CTNND2: variants seen among roughly 807,000 people sequenced by gnomAD.
The protein encoded by CTNND2 is catenin delta-2.
In CTNND2, 22 loss-of-function variants were observed where a neutral mutation model predicts 144.4. The ratio of observed to expected loss-of-function variants is 0.15; its 90% CI spans 0.11 to 0.22. The LOEUF (loss-of-function observed/expected upper bound fraction) is 0.22. Among genes scored for constraint, CTNND2 ranks in the 10% least tolerant of loss-of-function variants. The pLI is 1.00. For synonymous variants in CTNND2, 751 were observed against 695.6 expected (o/e 1.08, Z -1.25); for missense variants, 1,353 against 1,618.8 (o/e 0.84, Z 2.82).
rs765533529 is a variant in CTNND2 at position 11,346,425 on chromosome 5, A to G, written c.1575T>C (p.Pro525=). ...PYSKSGPALP[P]EGTLARSPSI... is the part of the protein sequence containing the mutation. Reference sequence around the variant, plus strand: ...ACGGGGACCTGGCCAAGGTGCCTTCAGGCGGGAGAGCAGGGCCGGATTTGC... The same window carrying G: ...ACGGGGACCTGGCCAAGGTGCCTTCGGGCGGGAGAGCAGGGCCGGATTTGC... The change falls in exon 9 of 22, where the codon CCT becomes CCC. Residue 525 remains proline (P), a synonymous_variant. Transcript: ENST00000304623. The G allele has an allele frequency of 5.6e-5, 86 of 1,541,918 alleles. 1 individual carries two copies. Among genetic ancestry groups the G allele is most frequent in the Admixed American group, 1.2e-4 (6 of 50,950 alleles).
At chr5:11,408,127 T>A (rs1465009799) in intron 5 of CTNND2, among the ~76,000 whole-genome samples, 1 of 152,188 alleles carries the variant, frequency 6.6e-6, no homozygotes, top group Non-Finnish European at 1.5e-5. Flanking sequence ...TGTCTTCCAC[T>A]GCCTGAATAC....
At chr5:11,719,841 C>T (rs1452599299) in intron 2 of CTNND2, among the ~76,000 whole-genome samples, 1 of 94,552 alleles carries the variant, frequency 1.1e-5, no homozygotes, top group Admixed American at 9.0e-5. Context: ...TATACACACA[C>T]ACACACACAC....
At chr5:11,364,641 C>A (rs769069599) in intron 8 of CTNND2, 55 bp downstream of exon 8, 33 of 1,449,468 alleles carry the variant, frequency 2.3e-5, no homozygotes, top group Non-Finnish European at 2.9e-5. Context: ...TTGAAGCTCC[C>A]GCGCAGAGCC....
intron 2 of CTNND2, among the ~76,000 whole-genome samples, chr5:11,730,572 C>A (rs1178714523): frequency 2.0e-5 from 3 of 152,172 alleles, no homozygotes; most frequent in Non-Finnish European, 4.4e-5. Flanking sequence ...ACTTTCCTTG[C>A]ATTCTCATAT....
intron 19 of CTNND2, among the ~76,000 whole-genome samples, chr5:10,990,326 C>T (rs1463921546): frequency 1.3e-5 from 2 of 152,198 alleles, no homozygotes; most frequent in African/African-American, 4.8e-5. Context: ...GGTTCTGTTG[C>T]TTGGAGAGGG....
At chr5:11,886,941 G>A (rs1159600311) in intron 1 of CTNND2, among the ~76,000 whole-genome samples, 1 of 140,240 alleles carries the variant, frequency 7.1e-6, no homozygotes, top group Non-Finnish European at 1.5e-5. Context: ...TTGATTCCAA[G>A]CCACTATCAA....
intron 1 of CTNND2, among the ~76,000 whole-genome samples, chr5:11,781,280 A>C (rs1461189071): frequency 1.3e-5 from 2 of 152,312 alleles, no homozygotes; most frequent in East Asian, 3.9e-4. Context: ...AAAAAAAATA[A>C]AAAATAAAGC....
At chr5:11,139,425 G>C (rs1756482683) in intron 12 of CTNND2, among the ~76,000 whole-genome samples, 1 of 152,202 alleles carries the variant, frequency 6.6e-6, no homozygotes, top group Non-Finnish European at 1.5e-5. Flanking sequence ...ACCTAGAACG[G>C]GACCAGCTGA....
At chr5:11,528,327 T>C (rs1006493634) in intron 3 of CTNND2, among the ~76,000 whole-genome samples, 9 of 152,198 alleles carry the variant, frequency 5.9e-5, no homozygotes. Flanking sequence ...AATGGCTTTC[T>C]GGGTTTTCAT....
intron 1 of CTNND2, among the ~76,000 whole-genome samples, chr5:11,814,098 C>A (rs192698587): frequency 5.3e-5 from 8 of 152,198 alleles, no homozygotes; most frequent in Non-Finnish European, 7.4e-5. Context: ...ATTACATTTA[C>A]TTTATGTATC....
intron 9 of CTNND2, among the ~76,000 whole-genome samples, chr5:11,274,579 GT>G (rs201191471): frequency 0.17 from 23,906 of 144,238 alleles, 2,136 homozygotes; most frequent in African/African-American, 0.24. Context: ...TTTTGCTTTC[GT>G]TTTTTTTTTT....
intron 2 of CTNND2, among the ~76,000 whole-genome samples, chr5:11,600,187 T>C (rs1349151122): frequency 3.3e-5 from 5 of 152,230 alleles, no homozygotes; most frequent in Non-Finnish European, 1.5e-5. Context: ...CAGAATTACA[T>C]ACCTATGCTA....
chr5:11,191,245 T>G (rs1183300628), intron 11 of CTNND2, among the ~76,000 whole-genome samples: 1 of 152,118 alleles, frequency 6.6e-6, no homozygotes, highest in Non-Finnish European at 1.5e-5. Flanking sequence ...TTCGTAGGGA[T>G]AGGGGAGCAA....
chr5:11,621,151 T>C (rs777072265), intron 2 of CTNND2, among the ~76,000 whole-genome samples: 1 of 152,192 alleles, frequency 6.6e-6, no homozygotes, highest in Non-Finnish European at 1.5e-5. Context: ...TTCAAACATA[T>C]AAAACCAATA....
chr5:11,372,891 C>A (rs1397115972), intron 7 of CTNND2, among the ~76,000 whole-genome samples: 1 of 152,202 alleles, frequency 6.6e-6, no homozygotes, highest in Non-Finnish European at 1.5e-5. Flanking sequence ...CTCTAGGAGC[C>A]CCGGAGACAG....
At chr5:11,680,658 G>T (rs1455162494) in intron 2 of CTNND2, among the ~76,000 whole-genome samples, 1 of 152,178 alleles carries the variant, frequency 6.6e-6, no homozygotes, top group Non-Finnish European at 1.5e-5. Context: ...ATGAATAGGA[G>T]GAGGAGAGTG....
At chr5:11,525,509 T>C (rs1288303863) in intron 3 of CTNND2, among the ~76,000 whole-genome samples, 1 of 152,146 alleles carries the variant, frequency 6.6e-6, no homozygotes, top group Non-Finnish European at 1.5e-5. Context: ...ATACATAACA[T>C]TCCATCACCT....
At chr5:11,043,094 T>G (rs1322531267) in intron 16 of CTNND2, among the ~76,000 whole-genome samples, 2 of 152,044 alleles carry the variant, frequency 1.3e-5, no homozygotes, top group African/African-American at 4.8e-5. Flanking sequence ...CTTATTTTTT[T>G]TTTTTTAGGA....
At chr5:11,291,427 C>T (rs13160436) in intron 9 of CTNND2, among the ~76,000 whole-genome samples, 11,333 of 152,126 alleles carry the variant, frequency 0.074, 578 homozygotes, top group South Asian at 0.15. Flanking sequence ...TCCTTCAGTT[C>T]ACATGAAGTA....
Sources: gnomAD v4.1 joint callset for allele counts (sites outside exome capture counted in the v4.1 genomes callset) on GRCh38, gnomAD v4.1.1 for gene constraint, MANE v1.5 for transcripts, NCBI Gene and HGNC (gene_info 2026-07-23, HGNC 2026-07-21) for gene names.